CDKAL1: variants seen among roughly 807,000 people sequenced by gnomAD.
The protein encoded by CDKAL1 is threonylcarbamoyladenosine tRNA methylthiotransferase.
Under a neutral mutation model 68.2 loss-of-function variants are expected in CDKAL1, and 32 were observed. The ratio of observed to expected loss-of-function variants is 0.47; its 90% confidence interval spans 0.35 to 0.63. The LOEUF (loss-of-function observed/expected upper bound fraction) is 0.63. Among genes scored for constraint, CDKAL1 ranks in the 30% least tolerant of loss-of-function variants. CDKAL1 has a pLI of 0.00. For missense variants in CDKAL1, 606 were observed against 696.7 expected (o/e 0.87, Z 1.47); for synonymous variants, 234 against 244.3 (o/e 0.96, Z 0.39).
intron 5 of CDKAL1, among the ~76,000 whole-genome samples, chr6:20,663,148 G>A (rs1175007689): frequency 6.6e-6 from 1 of 152,012 alleles, no homozygotes; most frequent in Non-Finnish European, 1.5e-5. Context: ...AGGAAGTCCC[G>A]CTCAAAACCC....
intron 4 of CDKAL1, among the ~76,000 whole-genome samples, chr6:20,593,804 G>A (rs897301962): frequency 1.3e-5 from 2 of 152,282 alleles, no homozygotes; most frequent in African/African-American, 2.4e-5. Context: ...ACTTTCTGCT[G>A]TGGGCATTTA....
intron 11 of CDKAL1, among the ~76,000 whole-genome samples, chr6:21,032,415 C>T (rs1057350043): frequency 4.6e-5 from 7 of 152,076 alleles, no homozygotes; most frequent in Admixed American, 6.6e-5. Flanking sequence ...TTCAAAACAG[C>T]GGAACTCTGT....
intron 8 of CDKAL1, among the ~76,000 whole-genome samples, chr6:20,840,269 C>G (rs1778122218): frequency 6.6e-6 from 1 of 152,168 alleles, no homozygotes; most frequent in Non-Finnish European, 1.5e-5. Context: ...TTTACTATCA[C>G]TGGCCACTTC....
chr6:21,142,331 A>T (rs568633876), intron 13 of CDKAL1, among the ~76,000 whole-genome samples: 19 of 150,260 alleles, frequency 1.3e-4, no homozygotes, highest in African/African-American at 4.4e-4. Flanking sequence ...AAAAAAAAAA[A>T]TCTGCTCATC....
At chr6:20,633,979 G>A (rs907629269) in intron 4 of CDKAL1, among the ~76,000 whole-genome samples, 77 of 152,110 alleles carry the variant, frequency 5.1e-4, no homozygotes, top group African/African-American at 1.9e-3. Context: ...TTCTTATATT[G>A]GAGATAATAT....
intron 5 of CDKAL1, among the ~76,000 whole-genome samples, chr6:20,657,769 A>G (rs61613763): frequency 0.16 from 24,458 of 152,166 alleles, 2,120 homozygotes; most frequent in Non-Finnish European, 0.18. Flanking sequence ...CTGATAAAAG[A>G]GTAAGAATTT....
rs142568970 is a variant in CDKAL1, at chr6:21,047,178, G to A, written c.1056-17870G>A. 9.5e-4 allele frequency among the ~76,000 whole-genome samples: 145 copies of A among 151,994 alleles called. 2 individuals carry two copies. In the East Asian group the frequency reaches 0.023, roughly 24 times the overall value. On this transcript the variant is annotated intron_variant, in intron 11 of 15. Transcript: ENST00000274695. Reference sequence around the variant, plus strand: ...AGATCCTTCCGTCTCAGCCTCATGAGTAGCTAGGACTACAGGTGTGTGTTA... The same window carrying A: ...AGATCCTTCCGTCTCAGCCTCATGAATAGCTAGGACTACAGGTGTGTGTTA...
intron 12 of CDKAL1, among the ~76,000 whole-genome samples, chr6:21,092,199 T>A (rs1172103264): frequency 7.4e-6 from 1 of 135,880 alleles, no homozygotes; most frequent in Non-Finnish European, 1.6e-5. Flanking sequence ...CTCAGAACTT[T>A]CAATCAGCTT....
chr6:20,640,595 C>T (rs1294453044), intron 4 of CDKAL1, among the ~76,000 whole-genome samples: 15 of 152,212 alleles, frequency 9.9e-5, no homozygotes, highest in South Asian at 2.1e-4. Flanking sequence ...AATAGCAGAA[C>T]GGCTGCTTTT....
At chr6:20,689,615 T>A (rs1770781736) in intron 5 of CDKAL1, among the ~76,000 whole-genome samples, 1 of 152,212 alleles carries the variant, frequency 6.6e-6, no homozygotes, top group South Asian at 2.1e-4. Context: ...GGGGCAAAAC[T>A]GTAATGTTCA....
chr6:21,111,161 G>T (rs908496975), intron 13 of CDKAL1, among the ~76,000 whole-genome samples: 49 of 152,054 alleles, frequency 3.2e-4, no homozygotes, highest in African/African-American at 1.1e-3. Context: ...ATAAACTATG[G>T]TCTGCTCCTG....
chr6:21,137,395 T>C (rs1345591962), intron 13 of CDKAL1, among the ~76,000 whole-genome samples: 3 of 152,186 alleles, frequency 2.0e-5, no homozygotes, highest in Non-Finnish European at 4.4e-5. Flanking sequence ...CACATGCAGA[T>C]TTATCATAAA....
intron 11 of CDKAL1, among the ~76,000 whole-genome samples, chr6:21,052,960 T>C (rs1248232011): frequency 6.6e-6 from 1 of 151,148 alleles, no homozygotes; most frequent in Non-Finnish European, 1.5e-5. Flanking sequence ...CAGAAAGGTA[T>C]TTTTTTTTCA....
At chr6:20,609,268 C>CT (rs199895558) in intron 4 of CDKAL1, among the ~76,000 whole-genome samples, 2 of 140,042 alleles carry the variant, frequency 1.4e-5, no homozygotes, top group Admixed American at 7.2e-5. Context: ...TTCCTTCCTC[C>CT]TCCTTCTCCT....
At chr6:20,752,343 A>G (rs936804813) in intron 6 of CDKAL1, among the ~76,000 whole-genome samples, 1 of 151,860 alleles carries the variant, frequency 6.6e-6, no homozygotes, top group African/African-American at 2.4e-5. Context: ...GCAATATTCC[A>G]CTTCCTGCCA....
chr6:20,569,337 ATTGTTCT>A (rs1481631997), intron 4 of CDKAL1, among the ~76,000 whole-genome samples: 1 of 152,196 alleles, frequency 6.6e-6, no homozygotes, highest in Non-Finnish European at 1.5e-5. Context: ...AAATAGGCAC[ATTGTTCT>A]TTGTTAGTTT....
chr6:21,077,134 C>CTA (rs998520309), intron 12 of CDKAL1, among the ~76,000 whole-genome samples: 2 of 120,172 alleles, frequency 1.7e-5, no homozygotes, highest in Non-Finnish European at 3.5e-5. Context: ...ACTTTTCAAC[C>CTA]TATATATATA....
intron 8 of CDKAL1, among the ~76,000 whole-genome samples, chr6:20,798,200 A>T (rs1776195960): frequency 6.6e-6 from 1 of 152,030 alleles, no homozygotes; most frequent in African/African-American, 2.4e-5. Flanking sequence ...GGGGTTAGAG[A>T]TTGGGAGGTG....
chr6:20,707,623 AAAC>A (rs1244810230), intron 5 of CDKAL1, among the ~76,000 whole-genome samples: 7 of 152,214 alleles, frequency 4.6e-5, no homozygotes, highest in Middle Eastern at 3.2e-3. Flanking sequence ...CGAAAGGTGT[AAAC>A]AAGGATATGT....
Sources: allele counts gnomAD v4.1 joint callset (sites outside exome capture counted in the v4.1 genomes callset), GRCh38; gene constraint gnomAD v4.1.1; transcripts MANE v1.5; gene names NCBI Gene and HGNC (gene_info 2026-07-23, HGNC 2026-07-21).